The following PLPPR5 variants were observed in gnomAD, a reference collection of about 807,000 sequenced individuals.
PLPPR5 encodes the protein phospholipid phosphatase related 5.
In PLPPR5, 16 loss-of-function variants were observed where a neutral mutation model predicts 33.9. The ratio of observed to expected loss-of-function variants is 0.47; its 90% CI spans 0.32 to 0.72. PLPPR5 has a LOEUF of 0.72. Ranked by LOEUF, PLPPR5 falls within the 30% of genes least tolerant of loss-of-function variation. The probability of loss-of-function intolerance (pLI) is 0.03; values close to 1 mark genes in which losing one functional copy is unlikely to be tolerated. For missense variants in PLPPR5, 301 were observed against 406.7 expected, an observed-to-expected ratio of 0.74 and a Z score of 2.23; for synonymous variants, 163 against 150.3, an observed-to-expected ratio of 1.08 and a Z score of -0.62.
At chr1:98,966,717 A>T (rs918788485) in intron 1 of PLPPR5, among the ~76,000 whole-genome samples, 21 of 152,210 alleles carry the variant, frequency 1.4e-4, no homozygotes, top group African/African-American at 4.3e-4. Context: ...TAAGATTCGC[A>T]GTCTTTAGGA....
chr1:98,967,821 CTCTT>C (rs1651504006), intron 1 of PLPPR5, among the ~76,000 whole-genome samples: 1 of 151,950 alleles, frequency 6.6e-6, no homozygotes, highest in South Asian at 2.1e-4. Flanking sequence ...GCCCTGAAGG[CTCTT>C]TCTAAGTCGT....
At chr1:98,965,168 G>C (rs1651391811) in intron 1 of PLPPR5, among the ~76,000 whole-genome samples, 1 of 151,884 alleles carries the variant, frequency 6.6e-6, no homozygotes, top group African/African-American at 2.4e-5. Context: ...GTGTTTCTTA[G>C]TCACAGTCCC....
At position 99,003,056 on chromosome 1, in the gene PLPPR5, CATATATATATATATATATATATATAT is replaced by C. The variant is rs59686592; in HGVS notation, c.237+1353_237+1378del. Among the ~76,000 whole-genome samples, 594 of 81,122 alleles carry C rather than the reference CATATATATATATATATATATATATAT, an allele frequency of 7.3e-3. 8 individuals are homozygous for C. The highest frequency in any genetic ancestry group is 0.011 in the Admixed American group (79 of 6,982). 53.2% of individuals were successfully genotyped at this position (81,122 alleles called of 152,430 possible). The stretch of plus-strand genomic sequence containing the variant: ...TAACACATTTTAGCAACTTATTTTA[CATATATATATATATATATATATATAT>C]ATATATATATATATGTAAAACATTA... On this transcript the variant is annotated intron_variant, in intron 1 of 5. Coordinates refer to ENST00000263177, the MANE Select transcript of PLPPR5 (RefSeq NM_001037317.2).
At chr1:98,959,466 G>T (rs970499696) in intron 1 of PLPPR5, among the ~76,000 whole-genome samples, 1 of 152,206 alleles carries the variant, frequency 6.6e-6, no homozygotes, top group African/African-American at 2.4e-5. Flanking sequence ...TCTACAGTTA[G>T]TTTCCTCAGA....
intron 1 of PLPPR5, among the ~76,000 whole-genome samples, chr1:98,978,728 C>T (rs72730402): frequency 0.11 from 17,125 of 151,948 alleles, 1,050 homozygotes; most frequent in African/African-American, 0.13. Flanking sequence ...TCAGCTCCCC[C>T]CACCAGAAAA....
At chr1:98,975,527 C>A (rs1421895302) in intron 1 of PLPPR5, among the ~76,000 whole-genome samples, 1 of 152,040 alleles carries the variant, frequency 6.6e-6, no homozygotes, top group African/African-American at 2.4e-5. Context: ...AAGTTGTCAA[C>A]AGAAGTACAA....
At chr1:98,986,285 T>C (rs1489932165) in intron 1 of PLPPR5, among the ~76,000 whole-genome samples, 1 of 151,818 alleles carries the variant, frequency 6.6e-6, no homozygotes, top group Non-Finnish European at 1.5e-5. Context: ...TTAGTAAACA[T>C]GAAAAAATTG....
intron 1 of PLPPR5, among the ~76,000 whole-genome samples, chr1:98,964,607 G>A (rs1404212712): frequency 6.6e-6 from 1 of 152,108 alleles, no homozygotes; most frequent in Admixed American, 6.5e-5. Context: ...CCTCATCTGG[G>A]CTCACTAAAC....
At chr1:99,002,927 A>G (rs4908220) in intron 1 of PLPPR5, among the ~76,000 whole-genome samples, 7,148 of 150,868 alleles carry the variant, frequency 0.047, 221 homozygotes, top group East Asian at 0.14. Context: ...CCCGATCTCC[A>G]GAAAGTAAAA....
Position 98,892,447 on chromosome 1 carries a change from C to T in PLPPR5, c.*625G>A, listed in dbSNP as rs1374338017. 6.6e-6 allele frequency: 1 copy of T among 152,238 alleles called. No individual in the cohort carries two copies. Among genetic ancestry groups the T allele is most frequent in the Non-Finnish European group, 1.5e-5 (1 of 67,938 alleles). 9.4% of individuals were successfully genotyped at this position (152,238 alleles called of 1,614,324 possible). A position where few individuals can be genotyped will look rare whatever the true frequency, so the allele number is the denominator to read the frequency against. On this transcript the variant is annotated 3_prime_UTR_variant, in exon 6 of 6. Coordinates refer to ENST00000263177, the MANE Select transcript of PLPPR5 (RefSeq NM_001037317.2). ...ATTTTCCCCTTCAAAAGCAGAAGCA[C>T]CAGTCTTAGAATGTATAGTATGAAT... is the stretch of plus-strand genomic sequence containing the variant.
intron 1 of PLPPR5, among the ~76,000 whole-genome samples, chr1:98,993,099 T>A (rs1652507342): frequency 6.6e-6 from 1 of 152,162 alleles, no homozygotes; most frequent in Admixed American, 6.6e-5. Context: ...TGCTACACAG[T>A]AAGTGCTCTA....
At chr1:98,945,618 C>A (rs1570721579) in intron 3 of PLPPR5, among the ~76,000 whole-genome samples, 1 of 152,178 alleles carries the variant, frequency 6.6e-6, no homozygotes, top group South Asian at 2.1e-4. Flanking sequence ...CTCATAGTCT[C>A]AATTTTGTTA....
rs145762804 is a variant in PLPPR5, at chr1:98,974,314, G to A, written c.238-17573C>T. Among the ~76,000 whole-genome samples, 214 of 152,102 alleles carry A rather than the reference G, an allele frequency of 1.4e-3. 4 individuals are homozygous for A. Among genetic ancestry groups the A allele is most frequent in the African/African-American group, 4.9e-3 (202 of 41,506 alleles). On this transcript the variant is annotated intron_variant, in intron 1 of 5. Coordinates refer to ENST00000263177, the MANE Select transcript of PLPPR5 (RefSeq NM_001037317.2). ...ATGTTCAAGCAAGGAGGTTGTCATT[G>A]GTGACCTCTGAGAAAAAGCTTGACA... is the stretch of plus-strand genomic sequence containing the variant.
chr1:98,895,508 A>T (rs1481274472), intron 5 of PLPPR5, among the ~76,000 whole-genome samples: 1 of 152,036 alleles, frequency 6.6e-6, no homozygotes, highest in East Asian at 1.9e-4. Flanking sequence ...ACTGGAATTC[A>T]GTCTTGGCAT....
rs1477558301 is a variant in PLPPR5, at chr1:99,004,573, C to T, written c.99G>A (p.Thr33=). ...CCTGCACGTTCACGGTGAACGTGTC[C>T]GTATACTCGAAGTAGTACGCCAGCA... ...TVMLAYYFEY[T]DTFTVNVQGF... Residue 33 remains threonine, a synonymous_variant, in exon 1 of 6, where the codon ACG becomes ACA. Transcript: ENST00000263177. 6.8e-6 allele frequency: 11 copies of T among 1,612,964 alleles called. No homozygotes were observed. The highest frequency in any genetic ancestry group is 8.5e-6 in the Non-Finnish European group (10 of 1,179,770).
intron 3 of PLPPR5, among the ~76,000 whole-genome samples, chr1:98,935,955 C>A (rs1001054041): frequency 6.6e-6 from 1 of 152,092 alleles, no homozygotes; most frequent in African/African-American, 2.4e-5. Flanking sequence ...TGGTCAGCCA[C>A]CTCAACGTGC....
chr1:98,938,139 G>GA (rs1359340745), intron 3 of PLPPR5, among the ~76,000 whole-genome samples: 1 of 149,808 alleles, frequency 6.7e-6, no homozygotes, highest in Non-Finnish European at 1.5e-5. Context: ...CAGTAGTTTT[G>GA]AAAAAAAGCA....
chr1:98,978,783 T>A (rs309060), intron 1 of PLPPR5, among the ~76,000 whole-genome samples: 1 of 152,008 alleles, frequency 6.6e-6, no homozygotes, highest in African/African-American at 2.4e-5. Flanking sequence ...TGAACACATA[T>A]CATAAGGAAA....
At chr1:98,943,952 G>A (rs934704664) in intron 3 of PLPPR5, among the ~76,000 whole-genome samples, 2 of 152,152 alleles carry the variant, frequency 1.3e-5, no homozygotes, top group Non-Finnish European at 2.9e-5. Context: ...CACAGTTGAT[G>A]TCAGTGCTAT....
Sources: allele counts gnomAD v4.1 joint callset (sites outside exome capture counted in the v4.1 genomes callset), GRCh38; gene constraint gnomAD v4.1.1; transcripts MANE v1.5; gene names NCBI Gene and HGNC (gene_info 2026-07-23, HGNC 2026-07-21).